SMYD3: variants seen among roughly 807,000 people sequenced by gnomAD.
SMYD3 encodes the protein histone-lysine N-methyltransferase SMYD3.
A neutral mutation model predicts 57.7 loss-of-function variants in SMYD3; 36 were observed. That is an observed-to-expected ratio of 0.62 (90% CI 0.48 to 0.82). SMYD3 has a LOEUF of 0.82. SMYD3 is among the 40% of genes least tolerant of loss of function. SMYD3 has a pLI of 0.00. For synonymous variants in SMYD3, 211 were observed against 195.0 expected (o/e 1.08, Z -0.68); for missense variants, 515 against 538.8 (o/e 0.96, Z 0.44).
intron 2 of SMYD3, among the ~76,000 whole-genome samples, chr1:246,349,074 C>T (rs988788067): frequency 4.0e-5 from 6 of 151,876 alleles, no homozygotes; most frequent in Admixed American, 6.6e-5. Context: ...TAGACCCACC[C>T]GCATGAAATG....
intron 5 of SMYD3, among the ~76,000 whole-genome samples, chr1:245,951,351 C>T (rs1259003294): frequency 3.4e-5 from 5 of 145,886 alleles, no homozygotes; most frequent in South Asian, 2.2e-4. Context: ...GGGTGGATCA[C>T]GAGGTCAGGA....
At chr1:246,440,772 G>C (rs1045960701) in intron 1 of SMYD3, among the ~76,000 whole-genome samples, 3 of 152,164 alleles carry the variant, frequency 2.0e-5, no homozygotes, top group African/African-American at 7.2e-5. Context: ...TTCACAGAAA[G>C]ATACAAGTTC....
intron 5 of SMYD3, among the ~76,000 whole-genome samples, chr1:246,030,686 G>T (rs2059655509): frequency 6.6e-6 from 1 of 152,002 alleles, no homozygotes; most frequent in Non-Finnish European, 1.5e-5. Flanking sequence ...CAATTATTAT[G>T]TGTCAACTAA....
chr1:246,208,825 T>C (rs2063041210), intron 5 of SMYD3, among the ~76,000 whole-genome samples: 1 of 151,982 alleles, frequency 6.6e-6, no homozygotes, highest in South Asian at 2.1e-4. Context: ...GAATCAATAA[T>C]ATTAAACAGC....
chr1:245,993,631 T>TAGATAGATAGATAGATAGAC, intron 5 of SMYD3, among the ~76,000 whole-genome samples: 1 of 120,104 alleles, frequency 8.3e-6, no homozygotes, highest in Admixed American at 8.5e-5. Flanking sequence ...GATAGATAGA[T>TAGATAGATAGATAGATAGAC]AGACAGACAG....
intron 7 of SMYD3, among the ~76,000 whole-genome samples, chr1:245,926,627 C>T (rs73126402): frequency 0.029 from 4,443 of 152,220 alleles, 207 homozygotes; most frequent in African/African-American, 0.1. Context: ...AAAGCAACCA[C>T]GGGAGAATGA....
intron 5 of SMYD3, among the ~76,000 whole-genome samples, chr1:246,323,091 G>T (rs138392034): frequency 6.6e-6 from 1 of 152,104 alleles, no homozygotes; most frequent in Non-Finnish European, 1.5e-5. Context: ...TGAAATTTAC[G>T]TCAGTTTCCA....
At chr1:246,256,034 A>T (rs1177890570) in intron 5 of SMYD3, among the ~76,000 whole-genome samples, 1 of 152,112 alleles carries the variant, frequency 6.6e-6, no homozygotes, top group Non-Finnish European at 1.5e-5. Context: ...AGATACATAG[A>T]TATAAACGGG....
rs181566966 is a variant in SMYD3 at position 246,228,944 on chromosome 1, G to A, written c.531+98257C>T. Reference sequence around the variant, plus strand: ...CTAAAAATGAATAAATAGATAAAGTGGAATTTTTGAGCCAACTTTTTTTAC... The same window carrying A: ...CTAAAAATGAATAAATAGATAAAGTAGAATTTTTGAGCCAACTTTTTTTAC... On this transcript the variant is annotated intron_variant, in intron 5 of 11. Transcript: ENST00000490107. Among the ~76,000 whole-genome samples the A allele has an allele frequency of 3.0e-4, 45 of 152,092 alleles. No homozygotes were observed. In the East Asian group the frequency reaches 7.3e-3, roughly 25 times the overall value.
intron 8 of SMYD3, among the ~76,000 whole-genome samples, chr1:245,880,966 C>A (rs1048353642): frequency 6.6e-6 from 1 of 151,818 alleles, no homozygotes; most frequent in South Asian, 2.1e-4. Context: ...AGTACGGATA[C>A]CCACCCAGGG....
intron 10 of SMYD3, among the ~76,000 whole-genome samples, chr1:245,853,623 G>A (rs1374002541): frequency 6.6e-6 from 1 of 152,092 alleles, no homozygotes; most frequent in Admixed American, 6.5e-5. Flanking sequence ...AAGAACAACT[G>A]GAGTTCTTCA....
intron 10 of SMYD3, among the ~76,000 whole-genome samples, chr1:245,836,295 T>C (rs1166420916): frequency 6.6e-6 from 1 of 152,190 alleles, no homozygotes; most frequent in Non-Finnish European, 1.5e-5. Flanking sequence ...AAACTGAAGC[T>C]GATTTCAAAC....
chr1:246,169,399 A>AAC (rs2062285067), intron 5 of SMYD3, among the ~76,000 whole-genome samples: 1 of 149,936 alleles, frequency 6.7e-6, no homozygotes, highest in Non-Finnish European at 1.5e-5. Context: ...AAAAAAAAAA[A>AAC]AAAAACCTCT....
chr1:245,940,114 T>G (rs2057167332), intron 5 of SMYD3, among the ~76,000 whole-genome samples: 1 of 152,148 alleles, frequency 6.6e-6, no homozygotes, highest in Admixed American at 6.5e-5. Flanking sequence ...AGCCAGGGGT[T>G]TACGGACAGA....
chr1:246,501,947 A>G (rs930940430), intron 1 of SMYD3, among the ~76,000 whole-genome samples: 3 of 152,136 alleles, frequency 2.0e-5, no homozygotes, highest in African/African-American at 7.2e-5. Flanking sequence ...AAACTTTTCA[A>G]TCACCACTGC....
chr1:246,059,371 A>T (rs931873947), intron 5 of SMYD3, among the ~76,000 whole-genome samples: 2 of 152,234 alleles, frequency 1.3e-5, no homozygotes, highest in African/African-American at 4.8e-5. Flanking sequence ...GATGACTTTA[A>T]GTATTCTATA....
chr1:246,255,943 T>C (rs1375663876), intron 5 of SMYD3, among the ~76,000 whole-genome samples: 22 of 143,306 alleles, frequency 1.5e-4, no homozygotes, highest in East Asian at 4.0e-4. Flanking sequence ...GATAGATAGA[T>C]AGATAGATAG....
At chr1:246,488,619 G>A (rs531948267) in intron 1 of SMYD3, among the ~76,000 whole-genome samples, 9 of 152,358 alleles carry the variant, frequency 5.9e-5, no homozygotes, top group African/African-American at 2.2e-4. Flanking sequence ...CCAGGAGGCA[G>A]AGGTTGCAGT....
At chr1:246,152,639 T>G (rs1335284862) in intron 5 of SMYD3, among the ~76,000 whole-genome samples, 1 of 152,244 alleles carries the variant, frequency 6.6e-6, no homozygotes, top group East Asian at 1.9e-4. Context: ...TTAGATATAC[T>G]TCCTCAATAA....
Sources: gnomAD v4.1 joint callset for allele counts (sites outside exome capture counted in the v4.1 genomes callset) on GRCh38, gnomAD v4.1.1 for gene constraint, MANE v1.5 for transcripts, NCBI Gene and HGNC (gene_info 2026-07-23, HGNC 2026-07-21) for gene names.